Variants in XPO1 observed in about 807,000 individuals in gnomAD.
The protein encoded by XPO1 is exportin-1.
A neutral mutation model predicts 133.3 loss-of-function variants in XPO1; 5 were observed. That is an observed-to-expected ratio of 0.04 (90% CI 0.02 to 0.08). The LOEUF (loss-of-function observed/expected upper bound fraction) is 0.08, where lower values mean the gene tolerates loss of function less well. Ranked by LOEUF, XPO1 falls within the 10% of genes least tolerant of loss-of-function variation. The pLI, the probability that XPO1 is intolerant of heterozygous loss-of-function variation, is 1.00. For synonymous variants in XPO1, 419 were observed against 408.2 expected, an observed-to-expected ratio of 1.03 and a Z score of -0.32; for missense variants, 506 against 1,267.5, an observed-to-expected ratio of 0.40 and a Z score of 9.12.
At chr2:61,497,384 G>A (rs1174795572) in intron 9 of XPO1, among the ~76,000 whole-genome samples, 1 of 152,026 alleles carries the variant, frequency 6.6e-6, no homozygotes, top group Non-Finnish European at 1.5e-5. Flanking sequence ...GCTAATTTTT[G>A]TATTTTTAGT....
chr2:61,518,792 A>G (rs899605234), intron 4 of XPO1, among the ~76,000 whole-genome samples: 3 of 152,174 alleles, frequency 2.0e-5, no homozygotes, highest in African/African-American at 7.2e-5. Context: ...ATAGACACAC[A>G]CTTACGGCCT....
chr2:61,510,230 T>C (rs1021482535), intron 4 of XPO1, among the ~76,000 whole-genome samples: 16 of 152,140 alleles, frequency 1.1e-4, no homozygotes, highest in Non-Finnish European at 1.8e-4. Context: ...TGAGCCAAGA[T>C]TGTACTACTG....
chr2:61,533,166 G>C (rs926021797), intron 2 of XPO1, among the ~76,000 whole-genome samples: 1 of 152,160 alleles, frequency 6.6e-6, no homozygotes, highest in Admixed American at 6.5e-5. Flanking sequence ...ACCACAGAGC[G>C]AGACTGTCTC....
intron 12 of XPO1, 73 bp downstream of exon 12, chr2:61,493,821 T>A: frequency 6.8e-7 from 1 of 1,475,678 alleles, no homozygotes. Context: ...TTACACAGAT[T>A]AGAAGTATTT....
intron 4 of XPO1, among the ~76,000 whole-genome samples, chr2:61,508,649 G>A (rs931422577): frequency 2.6e-5 from 4 of 152,124 alleles, no homozygotes; most frequent in East Asian, 3.9e-4. Flanking sequence ...CAATGATAGC[G>A]TAAAAAGCAC....
intron 4 of XPO1, among the ~76,000 whole-genome samples, chr2:61,505,117 C>T (rs1451048467): frequency 6.6e-6 from 1 of 152,144 alleles, no homozygotes; most frequent in Non-Finnish European, 1.5e-5. Context: ...CTCAAGCGAT[C>T]CTCCTGCCTC....
chr2:61,513,979 T>C (rs1341955256), intron 4 of XPO1, among the ~76,000 whole-genome samples: 5 of 151,794 alleles, frequency 3.3e-5, no homozygotes, highest in South Asian at 2.1e-4. Context: ...GGTCAGGAGA[T>C]AGAGACCAGC....
chr2:61,505,928 T>C (rs1378814845), intron 4 of XPO1, among the ~76,000 whole-genome samples: 1 of 152,180 alleles, frequency 6.6e-6, no homozygotes, highest in Non-Finnish European at 1.5e-5. Context: ...CTACATCTAA[T>C]CAAAAATTCC....
chr2:61,489,222 T>G (rs1265125493), intron 17 of XPO1, among the ~76,000 whole-genome samples: 1 of 152,036 alleles, frequency 6.6e-6, no homozygotes, highest in African/African-American at 2.4e-5. Context: ...AAGACCAGCC[T>G]GACCAACATG....
rs1023324794 is a variant in XPO1 at position 61,482,885 on chromosome 2, A to G, written c.2812+72T>C. 32 of 1,574,550 alleles carry G rather than the reference A, an allele frequency of 2.0e-5. No homozygotes were observed. In the South Asian group the frequency reaches 3.4e-4, roughly 17 times the overall value. Reference sequence around the variant, plus strand: ...TAATCTCCCCGCCTCGACCTCCCAAAGTGCTGGGATTATAGGCGTGAGGCC... The same window carrying G: ...TAATCTCCCCGCCTCGACCTCCCAAGGTGCTGGGATTATAGGCGTGAGGCC... On this transcript the variant is annotated intron_variant, in intron 22 of 24. Coordinates refer to ENST00000401558, the MANE Select transcript of XPO1 (RefSeq NM_003400.4).
intron 20 of XPO1, chr2:61,484,333 C>G (rs1696563246): frequency 2.2e-6 from 1 of 459,266 alleles, no homozygotes. Flanking sequence ...AGAAAGACAA[C>G]CTTTTTAATA....
At chr2:61,520,613 C>G (rs946390879) in intron 4 of XPO1, among the ~76,000 whole-genome samples, 1 of 152,096 alleles carries the variant, frequency 6.6e-6, no homozygotes, top group Non-Finnish European at 1.5e-5. Context: ...CCAATGCACT[C>G]CAGCCTGAGG....
At chr2:61,484,226 A>G (rs916734593) in intron 20 of XPO1, 121 bp from the exon 21 acceptor site, 4 of 821,748 alleles carry the variant, frequency 4.9e-6, no homozygotes, top group African/African-American at 3.5e-5. Flanking sequence ...CACAGAAGAT[A>G]GAATGCCTCC....
At position 61,478,922 on chromosome 2, in the gene XPO1, T is replaced by A. The variant is rs779255343; in HGVS notation, c.3114A>T (p.Arg1038Ser). Residue 1038 changes from arginine to serine, a missense_variant, in exon 25 of 25, where the codon AGA becomes AGT. Transcript: ENST00000401558. Reference sequence around the variant, plus strand: ...CATCAGCCTGCCGTAGGGCTATTTCTCTCTCTTCCAAAAACAAATCAGAAG... The same window carrying A: ...CATCAGCCTGCCGTAGGGCTATTTCACTCTCTTCCAAAAACAAATCAGAAG... ...EDTSDLFLEEREIALRQADEE... is the reference protein window; with the variant it reads ...EDTSDLFLEESEIALRQADEE... The A allele has an allele frequency of 1.2e-6, 2 of 1,614,142 alleles. No homozygotes were observed. The highest frequency in any genetic ancestry group is 1.7e-6 in the Non-Finnish European group (2 of 1,180,018).
chr2:61,492,618 A>G lies in XPO1; in HGVS notation c.1515T>C (p.Ser505=). ...NTLCWAIGSI[S]GAMHEEDEKR... is the part of the protein sequence containing the mutation. ...TTTCGTCCTCTTCATGCATTGCTCC[A>G]CTAATGGAGCCTATTGCCCAACACA... Residue 505 remains serine, a synonymous_variant, in exon 14 of 25, where the codon AGT becomes AGC. Transcript: ENST00000401558. The surrounding 1 kb of genome is among the most constrained non-coding windows in gnomAD (Gnocchi z 5.6). The G allele has an allele frequency of 6.2e-7, 1 of 1,613,920 alleles. No homozygotes were observed. Among genetic ancestry groups the G allele is most frequent in the Non-Finnish European group, 8.5e-7 (1 of 1,179,954 alleles).
chr2:61,532,563 C>T (rs1381339811), intron 2 of XPO1, among the ~76,000 whole-genome samples: 1 of 151,908 alleles, frequency 6.6e-6, no homozygotes, highest in Non-Finnish European at 1.5e-5. Context: ...TCTGGCCAGG[C>T]GCGGTGGCTC....
At chr2:61,495,726 C>T in intron 10 of XPO1, 113 bp from the exon 11 acceptor site, 1 of 1,111,578 alleles carries the variant, frequency 9.0e-7, no homozygotes, top group Non-Finnish European at 1.2e-6. Context: ...GGCTGGAGTG[C>T]AGTGGTATGA....
chr2:61,521,942 A>G (rs1476977290), intron 4 of XPO1, among the ~76,000 whole-genome samples: 1 of 151,946 alleles, frequency 6.6e-6, no homozygotes, highest in Non-Finnish European at 1.5e-5. Context: ...ATTTTTTGTA[A>G]ACACAGGGTC....
At chr2:61,518,583 CT>C (rs1335532076) in intron 4 of XPO1, among the ~76,000 whole-genome samples, 1 of 151,918 alleles carries the variant, frequency 6.6e-6, no homozygotes, top group Non-Finnish European at 1.5e-5. Context: ...CGCCACTGCA[CT>C]CCAGCCTGGG....
Sources: gnomAD v4.1 joint callset for allele counts (sites outside exome capture counted in the v4.1 genomes callset) on GRCh38, gnomAD v4.1.1 for gene constraint, Gnocchi (gnomAD v3.1) non-coding constraint, MANE v1.5 for transcripts, NCBI Gene and HGNC (gene_info 2026-07-23, HGNC 2026-07-21) for gene names.